RYR3: variants seen among roughly 807,000 people sequenced by gnomAD.
RYR3 encodes brain ryanodine receptor-calcium release channel.
A neutral mutation model predicts 584.3 loss-of-function variants in RYR3; 207 were observed. The observed-to-expected ratio is 0.35, with a 90% confidence interval of 0.32 to 0.40. RYR3 has a LOEUF of 0.40. Ranked by LOEUF, RYR3 falls within the 10% of genes least tolerant of loss-of-function variation. RYR3 has a pLI of 1.00. For synonymous variants in RYR3, 2,416 were observed against 2,248.5 expected, an observed-to-expected ratio of 1.07 and a Z score of -2.11; for missense variants, 5,616 against 6,089.2, an observed-to-expected ratio of 0.92 and a Z score of 2.59.
chr15:33,367,356 C>T (rs182217455), intron 1 of RYR3, among the ~76,000 whole-genome samples: 2 of 152,292 alleles, frequency 1.3e-5, no homozygotes, highest in African/African-American at 2.4e-5. Flanking sequence ...CCTCCCTGCT[C>T]TTGCCCATTT....
chr15:33,470,693 AG>A (rs2048858065), intron 1 of RYR3, among the ~76,000 whole-genome samples: 1 of 152,228 alleles, frequency 6.6e-6, no homozygotes, highest in South Asian at 2.1e-4. Context: ...CTACCAAAAC[AG>A]GGTGGAAATC....
At chr15:33,524,322 G>A (rs1283541275) in intron 3 of RYR3, among the ~76,000 whole-genome samples, 1 of 152,186 alleles carries the variant, frequency 6.6e-6, no homozygotes, top group East Asian at 1.9e-4. Context: ...TATCACAAAT[G>A]TTTTTCTGTG....
At chr15:33,733,448 A>T (rs886734619) in intron 48 of RYR3, among the ~76,000 whole-genome samples, 1 of 152,246 alleles carries the variant, frequency 6.6e-6, no homozygotes, top group Admixed American at 6.5e-5. Flanking sequence ...CAATGAAAAT[A>T]CATAGAGGAA....
intron 2 of RYR3, among the ~76,000 whole-genome samples, chr15:33,494,863 T>C (rs1007910835): frequency 6.6e-6 from 1 of 152,216 alleles, no homozygotes. Flanking sequence ...ATTTTAACTT[T>C]ATTTTATAAT....
intron 1 of RYR3, among the ~76,000 whole-genome samples, chr15:33,450,176 C>T (rs1039123483): frequency 1.3e-5 from 2 of 150,600 alleles, no homozygotes; most frequent in Admixed American, 1.3e-4. Context: ...GCATCCACAC[C>T]CTGCATGGCT....
intron 69 of RYR3, among the ~76,000 whole-genome samples, chr15:33,806,265 TG>T: frequency 6.6e-6 from 1 of 152,302 alleles, no homozygotes; most frequent in East Asian, 1.9e-4. Flanking sequence ...CAAAATCAAC[TG>T]TCTAATCATT....
At chr15:33,856,198 CTTTT>C (rs903147677) in intron 98 of RYR3, 1 of 152,194 alleles carries the variant, frequency 6.6e-6, no homozygotes, top group Non-Finnish European at 1.5e-5. Context: ...AGTTCTTTCT[CTTTT>C]TTTTCCTAAA....
Position 33,425,889 on chromosome 15 carries a change from G to A in RYR3, c.52-47530G>A, listed in dbSNP as rs572804605. On this transcript the variant is annotated intron_variant, in intron 1 of 103. Coordinates refer to ENST00000634891, the MANE Select transcript of RYR3 (RefSeq NM_001036.6). ...AATCTCCTGACCTCGTGATCCGCCCGCCTTGGCCTCCCAAAGTGCTCGGAT... is the reference window on the plus strand; with the variant it reads ...AATCTCCTGACCTCGTGATCCGCCCACCTTGGCCTCCCAAAGTGCTCGGAT... Among the ~76,000 whole-genome samples, 313 of 152,178 alleles carry A rather than the reference G, an allele frequency of 2.1e-3. 2 individuals are homozygous for A. The highest frequency in any genetic ancestry group is 6.3e-3 in the African/African-American group (262 of 41,518).
At position 33,830,984 on chromosome 15, in the gene RYR3, T is replaced by G; in HGVS notation, c.11356T>G (p.Trp3786Gly). The change falls in exon 86 of 104, where the codon TGG becomes GGG. Residue 3786 changes from tryptophan (W) to glycine (G), a missense_variant. Physicochemically the swap from Trp to Gly is radical, Grantham distance 184. This residue lies in a region of RYR3 where 954 missense variants were observed against 1,132.2 expected (regional missense o/e 0.84). Coordinates refer to ENST00000634891, the MANE Select transcript of RYR3 (RefSeq NM_001036.6). ...RLQESISDFY[W>G]YYSGKDIIDE... ...TTAGGAATCAATCAGTGATTTCTAC[T>G]GGTATTATTCAGGGAAGGACATCAT... The G allele has an allele frequency of 6.2e-7, 1 of 1,613,648 alleles. No homozygotes were observed. Among genetic ancestry groups the G allele is most frequent in the Non-Finnish European group, 8.5e-7 (1 of 1,179,712 alleles).
intron 60 of RYR3, among the ~76,000 whole-genome samples, 153 bp from the exon 61 acceptor site, chr15:33,768,505 C>A (rs2073294730): frequency 6.6e-6 from 1 of 152,138 alleles, no homozygotes; most frequent in African/African-American, 2.4e-5. Context: ...TGAGTGTGGA[C>A]CAGAGGATTC....
chr15:33,569,412 G>A (rs550074387), intron 12 of RYR3, among the ~76,000 whole-genome samples: 1 of 152,106 alleles, frequency 6.6e-6, no homozygotes, highest in Admixed American at 6.6e-5. Context: ...CTATTCTCCT[G>A]TCCCTCAGCC....
chr15:33,659,869 G>A, intron 33 of RYR3, 63 bp downstream of exon 33: 2 of 1,126,588 alleles, frequency 1.8e-6, no homozygotes, highest in East Asian at 2.4e-5. Context: ...CCATTAGGGG[G>A]AAAATCCCAG....
chr15:33,322,152 G>C (rs1023271529), intron 1 of RYR3, among the ~76,000 whole-genome samples: 3 of 152,152 alleles, frequency 2.0e-5, no homozygotes, highest in Non-Finnish European at 4.4e-5. Flanking sequence ...TTTTATGTTA[G>C]GCCATTCTTG....
At chr15:33,624,110 C>G in intron 20 of RYR3, 87 bp downstream of exon 20, 1 of 895,590 alleles carries the variant, frequency 1.1e-6, no homozygotes, top group Non-Finnish European at 1.8e-6. Context: ...TTGAACCTTT[C>G]TTAATATACA....
At chr15:33,783,805 A>G (rs2074538388) in intron 65 of RYR3, among the ~76,000 whole-genome samples, 3 of 152,146 alleles carry the variant, frequency 2.0e-5, no homozygotes, top group Non-Finnish European at 4.4e-5. Context: ...GACTCCCATG[A>G]TCTTGTTACC....
intron 21 of RYR3, among the ~76,000 whole-genome samples, chr15:33,629,661 A>G (rs948497425): frequency 6.6e-6 from 1 of 152,240 alleles, no homozygotes. Flanking sequence ...GAACAAGAGC[A>G]TGGCTGCCAC....
intron 2 of RYR3, among the ~76,000 whole-genome samples, chr15:33,482,844 G>A (rs2050093882): frequency 6.6e-6 from 1 of 151,952 alleles, no homozygotes; most frequent in South Asian, 2.1e-4. Context: ...TAGAATTTGG[G>A]GGACATTATT....
At chr15:33,407,801 C>T (rs752107944) in intron 1 of RYR3, among the ~76,000 whole-genome samples, 3 of 152,034 alleles carry the variant, frequency 2.0e-5, no homozygotes, top group Non-Finnish European at 2.9e-5. Flanking sequence ...CATTTATTCC[C>T]GGCATGGACA....
chr15:33,845,496 C>T (rs1370871546), intron 93 of RYR3, among the ~76,000 whole-genome samples: 1 of 152,136 alleles, frequency 6.6e-6, no homozygotes. Context: ...TCAGGTAATC[C>T]ATCTGCCTCG....
Sources: gnomAD v4.1 joint callset for allele counts (sites outside exome capture counted in the v4.1 genomes callset) on GRCh38, gnomAD v4.1.1 for gene constraint, gnomAD v4.1.1 regional missense constraint, MANE v1.5 for transcripts, NCBI Gene and HGNC (gene_info 2026-07-23, HGNC 2026-07-21) for gene names.